The following CALHM4 variants were observed in gnomAD, a reference collection of about 807,000 sequenced individuals.
CALHM4 encodes the protein calcium homeostasis modulator protein 4.
A neutral mutation model predicts 13.3 loss-of-function variants in CALHM4; 16 were observed. The ratio of observed to expected loss-of-function variants is 1.20; its 90% CI spans 0.81 to 1.82. The LOEUF (loss-of-function observed/expected upper bound fraction) is 1.82. Among genes scored for constraint, CALHM4 ranks in the 40% most tolerant of loss-of-function variants. The pLI is 0.00. For missense variants in CALHM4, 344 were observed against 374.9 expected, an observed-to-expected ratio of 0.92 and a Z score of 0.68; for synonymous variants, 127 against 137.1, an observed-to-expected ratio of 0.93 and a Z score of 0.52.
chr6:116,535,319 C>T (rs1773008392), intron 1 of CALHM4, among the ~76,000 whole-genome samples: 1 of 152,194 alleles, frequency 6.6e-6, no homozygotes, highest in African/African-American at 2.4e-5. Context: ...AGGATGTGGA[C>T]TCTTCCTTTT....
Position 116,554,084 on chromosome 6 carries a change from C to A in CALHM4, c.291C>A (p.Cys97Ter), listed in dbSNP as rs1241149980. ...PPYRRISPLE[C>*]KLACLRFFSI... ...ACAGGAGAATCAGCCCCCTAGAGTG[C>A]AAGCTGGCTTGCCTTAGGTTCTTCA... is the stretch of plus-strand genomic sequence containing the variant. Residue 97 changes from cysteine to a stop codon, truncating the protein, a stop_gained, in exon 1 of 2, where the codon TGC becomes TGA. Transcript: ENST00000368596. LOFTEE classifies it high-confidence loss of function. 6.4e-7 allele frequency: 1 copy of A among 1,550,628 alleles called. No homozygotes were observed. The highest frequency in any genetic ancestry group is 1.2e-5 in the South Asian group (1 of 84,064).
At chr6:116,529,303 C>T (rs1420796704) in intron 1 of CALHM4, 1 of 152,254 alleles carries the variant, frequency 6.6e-6, no homozygotes, top group Non-Finnish European at 1.5e-5. Context: ...TGTACAATAA[C>T]AGCTAATTTC....
At chr6:116,542,273 C>T (rs868259477) in intron 1 of CALHM4, among the ~76,000 whole-genome samples, 1 of 151,848 alleles carries the variant, frequency 6.6e-6, no homozygotes, top group Admixed American at 6.6e-5. Context: ...TTTGCGAATG[C>T]CCTTGACTAA....
chr6:116,536,495 CAGTGTA>C (rs1273526573), intron 1 of CALHM4, among the ~76,000 whole-genome samples: 1 of 152,172 alleles, frequency 6.6e-6, no homozygotes, highest in African/African-American at 2.4e-5. Flanking sequence ...GTGCTGAGTG[CAGTGTA>C]AGTTCAGGAA....
chr6:116,556,666 CCT>C (rs1774330557), intron 1 of CALHM4, among the ~76,000 whole-genome samples: 2 of 152,272 alleles, frequency 1.3e-5, no homozygotes, highest in African/African-American at 4.8e-5. Context: ...GTGGAACTTA[CCT>C]CTCTCACTTT....
At chr6:116,543,297 A>G in intron 1 of CALHM4, 2 of 1,543,314 alleles carry the variant, frequency 1.3e-6, no homozygotes, top group Non-Finnish European at 8.8e-7. Flanking sequence ...AAGGACTTCC[A>G]CTTACATTTT....
chr6:116,550,756 G>A (rs751041059), upstream of CALHM4, among the ~76,000 whole-genome samples: 64 of 151,616 alleles, frequency 4.2e-4, no homozygotes, highest in Non-Finnish European at 8.1e-4. Flanking sequence ...ACACTTATAC[G>A]CCTGAAGCCA....
In CALHM4 at chr6:116,557,978, CA is replaced by C. The variant is rs1774409022; in HGVS notation, c.713del (p.Gln238ArgfsTer7). On this transcript the variant is annotated frameshift_variant, in exon 2 of 2. Coordinates refer to ENST00000368596, the MANE Select transcript of CALHM4 (RefSeq NM_001366078.2). LOFTEE classifies it high-confidence loss of function. ...AGAACTCTTTGAACAAGCAGCAGAGCAGCACTCTCGGCTCCTCATGATGCAT... is the reference window on the plus strand; with the variant it reads ...AGAACTCTTTGAACAAGCAGCAGAGCGCACTCTCGGCTCCTCATGATGCAT... ...ERELFEQAAE[Q>X]HSRLLMMHRI... The C allele has an allele frequency of 3.7e-6, 6 of 1,614,018 alleles. No homozygotes were observed. The highest frequency in any genetic ancestry group is 5.1e-6 in the Non-Finnish European group (6 of 1,180,024).
At position 116,557,817 on chromosome 6, in the gene CALHM4, A is replaced by G. The variant is rs1774396544; in HGVS notation, c.559-8A>G. ...CTTCCTGTTTTTCTTTTTAATAATG[A>G]TGTGAAGATGCTGGGTTGGATTTTG... On this transcript the variant is annotated splice_region_variant and splice_polypyrimidine_tract_variant and intron_variant, in intron 1 of 1. Transcript: ENST00000368596. 1 of 1,605,660 alleles carries G rather than the reference A, an allele frequency of 6.2e-7. No individual in the cohort carries two copies. The highest frequency in any genetic ancestry group is 8.5e-7 in the Non-Finnish European group (1 of 1,174,438).
At chr6:116,549,367 A>G (rs1773946486), upstream of CALHM4, among the ~76,000 whole-genome samples, 1 of 152,190 alleles carries the variant, frequency 6.6e-6, no homozygotes, top group East Asian at 1.9e-4. Context: ...GCTTTACTGA[A>G]CATGTCACTA....
rs1014108075 is a variant in CALHM4 at position 116,542,375 on chromosome 6, T to C, written c.-108-1390T>C. ...AATATGCATACAGAAAGAAGAAAAA[T>C]GAGAGTTTTTTAAAAAGACTTTCAA... On this transcript the variant is annotated intron_variant, in intron 1 of 2. Transcript: ENST00000368597. 6.6e-5 allele frequency among the ~76,000 whole-genome samples: 10 copies of C among 152,210 alleles called. No homozygotes were observed. The East Asian group carries it at 1.7e-3, about 26-fold the overall frequency.
At chr6:116,535,015 G>A (rs529201391) in intron 1 of CALHM4, among the ~76,000 whole-genome samples, 22 of 152,272 alleles carry the variant, frequency 1.4e-4, no homozygotes, top group African/African-American at 5.1e-4. Context: ...GGACCTGAGA[G>A]CAAAAAGCTT....
rs1208344333 is a variant in CALHM4, at chr6:116,557,884, G to A, written c.618G>A (p.Val206=). 9.3e-6 allele frequency: 15 copies of A among 1,614,010 alleles called. No homozygotes were observed. The highest frequency in any genetic ancestry group is 1.3e-5 in the Non-Finnish European group (15 of 1,180,002). ...ATIAALVSCC[V]AKCCSPLTSL... ...TTGCTGCCTTAGTCTCCTGCTGTGT[G>A]GCAAAGTGCTGCTCTCCCCTCACCT... Residue 206 remains valine (V), a synonymous_variant, in exon 2 of 2, where the codon GTG becomes GTA. Transcript: ENST00000368596.
intron 1 of CALHM4, among the ~76,000 whole-genome samples, chr6:116,539,933 A>T (rs1194759458): frequency 2.6e-5 from 4 of 152,202 alleles, no homozygotes; most frequent in Non-Finnish European, 5.9e-5. Flanking sequence ...ATTTACAGGA[A>T]GTTCTGTTTT....
chr6:116,537,748 A>G (rs183879456), intron 1 of CALHM4, among the ~76,000 whole-genome samples: 3 of 152,268 alleles, frequency 2.0e-5, no homozygotes, highest in Admixed American at 2.0e-4. Flanking sequence ...GCAACTTCCT[A>G]AGGGGCCTGA....
chr6:116,552,515 T>A (rs572188362), upstream of CALHM4, among the ~76,000 whole-genome samples: 1 of 152,200 alleles, frequency 6.6e-6, no homozygotes, highest in African/African-American at 2.4e-5. Context: ...TTAACTGTTT[T>A]CAAAAATAAT....
chr6:116,549,232 G>T (rs1483225900), upstream of CALHM4, among the ~76,000 whole-genome samples: 1 of 152,194 alleles, frequency 6.6e-6, no homozygotes, highest in African/African-American at 2.4e-5. Flanking sequence ...GGTTGCAGTA[G>T]CTGAGATGGT....
chr6:116,533,501 A>G (rs1292749024), intron 1 of CALHM4, among the ~76,000 whole-genome samples: 1 of 152,194 alleles, frequency 6.6e-6, no homozygotes, highest in Non-Finnish European at 1.5e-5. Context: ...AGTGGCCAGA[A>G]TAATTCCAGC....
At chr6:116,531,515 A>G (rs2115191336) in intron 1 of CALHM4, among the ~76,000 whole-genome samples, 1 of 152,310 alleles carries the variant, frequency 6.6e-6, no homozygotes, top group African/African-American at 2.4e-5. Context: ...AAGATAGACT[A>G]AAACTGTAAG....
Sources: gnomAD v4.1 joint callset for allele counts (sites outside exome capture counted in the v4.1 genomes callset) on GRCh38, gnomAD v4.1.1 for gene constraint, MANE v1.5 for transcripts, NCBI Gene and HGNC (gene_info 2026-07-23, HGNC 2026-07-21) for gene names.